Variants in GALNT11 observed in about 807,000 individuals in gnomAD.
GALNT11 encodes UDP-GalNAc:polypeptide N-acetylgalactosaminyltransferase 11.
GALNT11 carries 47 observed loss-of-function variants against 72.7 expected under a neutral mutation model. The ratio of observed to expected loss-of-function variants is 0.65; its 90% CI spans 0.51 to 0.82. GALNT11 has a LOEUF of 0.82. Among genes scored for constraint, GALNT11 ranks in the 40% least tolerant of loss-of-function variants. The pLI is 0.00. For missense variants in GALNT11, 677 were observed against 778.4 expected, an observed-to-expected ratio of 0.87 and a Z score of 1.55; for synonymous variants, 270 against 286.6, an observed-to-expected ratio of 0.94 and a Z score of 0.58.
chr7:152,049,176 C>G (rs1222273103), intron 1 of GALNT11, among the ~76,000 whole-genome samples: 1 of 152,014 alleles, frequency 6.6e-6, no homozygotes. Context: ...CATCTTGATG[C>G]TTGAGGATGT....
At chr7:152,096,895 A>G (rs1022947789) in intron 2 of GALNT11, among the ~76,000 whole-genome samples, 2 of 152,148 alleles carry the variant, frequency 1.3e-5, no homozygotes, top group African/African-American at 4.8e-5. Flanking sequence ...TGGCACAGTC[A>G]TGACTCACTG....
At chr7:152,031,048 G>A (rs1323385105) in intron 1 of GALNT11, among the ~76,000 whole-genome samples, 1 of 152,244 alleles carries the variant, frequency 6.6e-6, no homozygotes, top group Non-Finnish European at 1.5e-5. Context: ...GCACAGGCAT[G>A]TAGGATTAGA....
At chr7:152,113,712 CTTTTTTTTTTTTTTTTTTTT>C (rs6150397) in intron 8 of GALNT11, among the ~76,000 whole-genome samples, 3,680 of 96,648 alleles carry the variant, frequency 0.038, 87 homozygotes, top group East Asian at 0.11. Context: ...AGTTGGCTTT[CTTTTTTTTTTTTTTTTTTTT>C]TTTTTTTTTT....
intron 2 of GALNT11, among the ~76,000 whole-genome samples, chr7:152,098,403 G>A (rs1052206216): frequency 2.0e-5 from 3 of 151,152 alleles, no homozygotes; most frequent in African/African-American, 7.3e-5. Context: ...CCAGCCTGGG[G>A]GACAGAGCAA....
intron 8 of GALNT11, among the ~76,000 whole-genome samples, chr7:152,115,904 A>G (rs914315931): frequency 2.0e-5 from 3 of 151,094 alleles, no homozygotes; most frequent in African/African-American, 7.3e-5. Flanking sequence ...TAAAAATACA[A>G]AATTAGCCGG....
intron 1 of GALNT11, chr7:152,027,514 G>C (rs1359129225): frequency 6.5e-6 from 1 of 153,458 alleles, no homozygotes; most frequent in Non-Finnish European, 1.5e-5. Context: ...GTGCAGACGG[G>C]TTTATGCCTA....
At chr7:152,086,676 T>C (rs184611037) in intron 1 of GALNT11, among the ~76,000 whole-genome samples, 1 of 152,208 alleles carries the variant, frequency 6.6e-6, no homozygotes, top group African/African-American at 2.4e-5. Context: ...AGAAAACTTT[T>C]TCATTTTGCC....
chr7:152,096,516 C>T (rs934349242), intron 2 of GALNT11, among the ~76,000 whole-genome samples: 1 of 151,974 alleles, frequency 6.6e-6, no homozygotes, highest in African/African-American at 2.4e-5. Context: ...CAGGAATTTG[C>T]AACCAGCCTG....
At chr7:152,071,073 C>G (rs181665397) in intron 1 of GALNT11, among the ~76,000 whole-genome samples, 2 of 152,314 alleles carry the variant, frequency 1.3e-5, no homozygotes, top group East Asian at 3.9e-4. Context: ...GATCACAGGA[C>G]TACAGGACTG....
intron 1 of GALNT11, among the ~76,000 whole-genome samples, chr7:152,057,166 CT>C (rs1328585548): frequency 6.6e-6 from 1 of 151,640 alleles, no homozygotes; most frequent in Non-Finnish European, 1.5e-5. Context: ...CAGATACTTT[CT>C]TTTTTAAAAA....
chr7:152,069,295 G>A (rs902092552), intron 1 of GALNT11, among the ~76,000 whole-genome samples: 5 of 152,136 alleles, frequency 3.3e-5, no homozygotes, highest in Non-Finnish European at 7.4e-5. Context: ...ACCATGTTTT[G>A]TATGCTTTCT....
At chr7:152,112,287 TC>T (rs1587455821) in intron 7 of GALNT11, among the ~76,000 whole-genome samples, 3 of 152,204 alleles carry the variant, frequency 2.0e-5, no homozygotes, top group African/African-American at 7.2e-5. Context: ...ACGCCTATAA[TC>T]CCAGCACTTT....
At chr7:152,075,830 G>C (rs1194416820) in intron 1 of GALNT11, among the ~76,000 whole-genome samples, 1 of 151,034 alleles carries the variant, frequency 6.6e-6, no homozygotes, top group African/African-American at 2.4e-5. Flanking sequence ...GGGAGGCCGA[G>C]GCGGGCGGAT....
At position 152,122,202 on chromosome 7, in the gene GALNT11, A is replaced by C. The variant is rs1317062334; in HGVS notation, c.*525A>C. The C allele has an allele frequency of 2.0e-5, 3 of 152,182 alleles. No homozygotes were observed. The highest frequency in any genetic ancestry group is 4.4e-5 in the Non-Finnish European group (3 of 68,060). 9.4% of individuals were successfully genotyped at this position (152,182 alleles called of 1,614,324 possible). Reference sequence around the variant, plus strand: ...TCTATTATTTGTTTAGTATGTTGTAAGTAGATCATTTTAAAAAACTGAATC... The same window carrying C: ...TCTATTATTTGTTTAGTATGTTGTACGTAGATCATTTTAAAAAACTGAATC... On this transcript the variant is annotated 3_prime_UTR_variant, in exon 12 of 12. Coordinates refer to ENST00000430044, the MANE Select transcript of GALNT11 (RefSeq NM_022087.4).
At chr7:152,039,956 A>G (rs2082771821) in intron 1 of GALNT11, among the ~76,000 whole-genome samples, 1 of 152,090 alleles carries the variant, frequency 6.6e-6, no homozygotes, top group Non-Finnish European at 1.5e-5. Flanking sequence ...TGCTAGATTC[A>G]ATTGTATGCG....
intron 1 of GALNT11, among the ~76,000 whole-genome samples, chr7:152,030,756 C>CTT (rs2082270692): frequency 6.6e-6 from 1 of 152,040 alleles, no homozygotes; most frequent in Non-Finnish European, 1.5e-5. Flanking sequence ...TTGACTTTGT[C>CTT]TCTTTCTTTC....
chr7:152,069,997 C>CT (rs879494057), intron 1 of GALNT11, among the ~76,000 whole-genome samples: 8,332 of 143,222 alleles, frequency 0.058, 977 homozygotes, highest in African/African-American at 0.23. Context: ...TTTTCTTTTT[C>CT]TTTTTCTTTT....
intron 1 of GALNT11, among the ~76,000 whole-genome samples, chr7:152,068,176 C>G (rs1241799003): frequency 6.6e-6 from 1 of 152,146 alleles, no homozygotes; most frequent in African/African-American, 2.4e-5. Flanking sequence ...ATTGAACCCT[C>G]TGCCTCCCCA....
At position 152,105,361 on chromosome 7, in the gene GALNT11, C is replaced by T; in HGVS notation, c.703C>T (p.His235Tyr). Residue 235 changes from histidine (H) to tyrosine (Y), a missense_variant, in exon 5 of 12, where the codon CAC becomes TAC. His to Tyr is a moderately conservative substitution (Grantham distance 83, BLOSUM62 2). Transcript: ENST00000430044. Reference sequence around the variant, plus strand: ...TCGAGGGAGAATGATTGGCGCGGCCCACGCGACAGGTATCACTTCTCGTTA... The same window carrying T: ...TCGAGGGAGAATGATTGGCGCGGCCTACGCGACAGGTATCACTTCTCGTTA... ...LIRGRMIGAA[H>Y]ATGEVLVFLD... 1 of 1,612,876 alleles carries T rather than the reference C, an allele frequency of 6.2e-7. No homozygotes were observed. The highest frequency in any genetic ancestry group is 8.5e-7 in the Non-Finnish European group (1 of 1,179,490).
Sources: allele counts gnomAD v4.1 joint callset (sites outside exome capture counted in the v4.1 genomes callset), GRCh38; gene constraint gnomAD v4.1.1; transcripts MANE v1.5; gene names NCBI Gene and HGNC (gene_info 2026-07-23, HGNC 2026-07-21).